Variants in GLIS3 observed in about 807,000 individuals in gnomAD.
GLIS3 encodes the protein GLIS family zinc finger 3.
GLIS3 carries 53 observed loss-of-function variants against 78.6 expected under a neutral mutation model. The observed-to-expected ratio is 0.67, with a 90% CI of 0.54 to 0.85. The LOEUF (loss-of-function observed/expected upper bound fraction) is 0.85, where lower values mean the gene tolerates loss of function less well. Ranked by LOEUF, GLIS3 falls within the 40% of genes least tolerant of loss-of-function variation. The probability of loss-of-function intolerance (pLI) is 0.00; values close to 1 mark genes in which losing one functional copy is unlikely to be tolerated. For missense variants in GLIS3, 1,703 were observed against 1,231.1 expected (o/e 1.38, Z -5.74); for synonymous variants, 684 against 509.9 (o/e 1.34, Z -4.60).
intron 4 of GLIS3, among the ~76,000 whole-genome samples, chr9:3,970,773 CA>C (rs1223230032): frequency 6.6e-6 from 1 of 152,084 alleles, no homozygotes; most frequent in African/African-American, 2.4e-5. Flanking sequence ...AACAATTTAC[CA>C]AGTAAATATC....
rs190301293 is a variant in GLIS3, at chr9:3,847,330, A to G, written c.2473+8679T>C. On this transcript the variant is annotated intron_variant, in intron 9 of 10. Transcript: ENST00000381971. ...ATTTTGCCAAGGACTGGCTCTGCCA[A>G]TCAGTCTAAGAAGCCATAAGCAAAA... is the stretch of plus-strand genomic sequence containing the variant. 2.3e-4 allele frequency among the ~76,000 whole-genome samples: 35 copies of G among 152,370 alleles called. No individual in the cohort carries two copies. In the East Asian group the frequency reaches 5.8e-3, roughly 25 times the overall value.
chr9:4,489,697 G>C, the GLIS3 span, among the ~76,000 whole-genome samples: 1 of 152,198 alleles, frequency 6.6e-6, no homozygotes, highest in Non-Finnish European at 1.5e-5. Flanking sequence ...TTTCTCCCCA[G>C]AGCGGCTCCC....
the GLIS3 span, among the ~76,000 whole-genome samples, chr9:4,416,441 G>A: frequency 7.2e-5 from 11 of 152,014 alleles, no homozygotes; most frequent in East Asian, 1.9e-4. Flanking sequence ...AATATAAAAC[G>A]TTAGGAATAT....
intron 2 of GLIS3, among the ~76,000 whole-genome samples, chr9:4,327,747 G>C (rs1817623552): frequency 6.6e-6 from 1 of 152,210 alleles, no homozygotes. Context: ...ACAAGCAACA[G>C]CCTGTGTGGC....
chr9:4,465,410 A>G, the GLIS3 span, among the ~76,000 whole-genome samples: 1 of 152,160 alleles, frequency 6.6e-6, no homozygotes, highest in Non-Finnish European at 1.5e-5. Context: ...TTAGCCATGC[A>G]TGGTGACACG....
At chr9:4,022,393 T>C (rs1822963198) in intron 4 of GLIS3, among the ~76,000 whole-genome samples, 1 of 152,224 alleles carries the variant, frequency 6.6e-6, no homozygotes, top group Non-Finnish European at 1.5e-5. Context: ...GCGTTTTTAA[T>C]GGAAAAATCC....
chr9:4,430,962 G>A, the GLIS3 span, among the ~76,000 whole-genome samples: 22 of 150,868 alleles, frequency 1.5e-4, no homozygotes, highest in Admixed American at 6.6e-4. Context: ...CTGCTCCTCA[G>A]TTTCAGTTCC....
chr9:4,393,749 G>A, the GLIS3 span, among the ~76,000 whole-genome samples: 10 of 152,078 alleles, frequency 6.6e-5, no homozygotes, highest in East Asian at 3.8e-4. Context: ...GTCCTTCTGC[G>A]TACATCATAT....
the GLIS3 span, among the ~76,000 whole-genome samples, chr9:4,451,789 T>A: frequency 4.7e-4 from 71 of 152,164 alleles, no homozygotes; most frequent in African/African-American, 1.5e-3. Context: ...AAGATGTTCT[T>A]TGAAACCAAT....
chr9:4,441,868 G>T, the GLIS3 span, among the ~76,000 whole-genome samples: 1 of 152,158 alleles, frequency 6.6e-6, no homozygotes, highest in Non-Finnish European at 1.5e-5. Flanking sequence ...GCCTCCCCAA[G>T]TGCTGGCATT....
the GLIS3 span, among the ~76,000 whole-genome samples, chr9:4,445,800 G>C: frequency 6.6e-6 from 1 of 152,070 alleles, no homozygotes; most frequent in African/African-American, 2.4e-5. Flanking sequence ...CCCACTATGA[G>C]GGCCATGCAG....
intron 2 of GLIS3, among the ~76,000 whole-genome samples, chr9:4,219,284 CA>C (rs1224345047): frequency 6.6e-6 from 1 of 152,206 alleles, no homozygotes; most frequent in Non-Finnish European, 1.5e-5. Flanking sequence ...TTTAGGTCTT[CA>C]AACAATCTTA....
chr9:4,111,622 C>T (rs975910419), intron 4 of GLIS3, among the ~76,000 whole-genome samples: 1 of 152,212 alleles, frequency 6.6e-6, no homozygotes, highest in South Asian at 2.1e-4. Context: ...TTTACCTATA[C>T]TAAGGGATTT....
In GLIS3 at chr9:4,224,817, T is replaced by C. The variant is rs186117049; in HGVS notation, c.388+61221A>G. 1.2e-4 allele frequency among the ~76,000 whole-genome samples: 19 copies of C among 152,082 alleles called. No individual in the cohort carries two copies. The East Asian group carries it at 2.3e-3, about 19-fold the overall frequency. On this transcript the variant is annotated intron_variant, in intron 2 of 10. Transcript: ENST00000381971. ...CTATTTTCATTTACTGACATCAATGTTGAACAGCAAAATCATTCTTTTAGT... is the reference window on the plus strand; with the variant it reads ...CTATTTTCATTTACTGACATCAATGCTGAACAGCAAAATCATTCTTTTAGT...
intron 4 of GLIS3, among the ~76,000 whole-genome samples, chr9:3,991,562 A>G (rs1463571255): frequency 6.6e-6 from 1 of 152,130 alleles, no homozygotes. Context: ...TTCACATGGT[A>G]ATCGATGGAA....
chr9:4,095,075 T>C (rs643134), intron 4 of GLIS3, among the ~76,000 whole-genome samples: 45,696 of 151,986 alleles, frequency 0.3, 7,604 homozygotes, highest in African/African-American at 0.44. Flanking sequence ...CTATACACTA[T>C]GTTATTATTA....
At chr9:3,934,297 G>A (rs903529764) in intron 5 of GLIS3, among the ~76,000 whole-genome samples, 1 of 152,132 alleles carries the variant, frequency 6.6e-6, no homozygotes, top group Non-Finnish European at 1.5e-5. Flanking sequence ...GAGCATTAGA[G>A]GAGATGTTAC....
intron 4 of GLIS3, among the ~76,000 whole-genome samples, chr9:4,039,739 G>A (rs1212197058): frequency 1.3e-5 from 2 of 152,180 alleles, no homozygotes; most frequent in African/African-American, 4.8e-5. Flanking sequence ...TCCAGATTCT[G>A]TTAGGGTCAT....
chr9:4,166,915 A>C (rs997234604), intron 2 of GLIS3, among the ~76,000 whole-genome samples: 4 of 152,230 alleles, frequency 2.6e-5, no homozygotes, highest in Non-Finnish European at 4.4e-5. Context: ...GAAGGGGATA[A>C]AAGCAACTAA....
Sources: gnomAD v4.1 joint callset for allele counts (sites outside exome capture counted in the v4.1 genomes callset) on GRCh38, gnomAD v4.1.1 for gene constraint, MANE v1.5 for transcripts, NCBI Gene and HGNC (gene_info 2026-07-23, HGNC 2026-07-21) for gene names.